CCDC171: variants seen among roughly 807,000 people sequenced by gnomAD.
The protein encoded by CCDC171 is coiled-coil domain-containing protein 171.
A neutral mutation model predicts 168.2 loss-of-function variants in CCDC171; 177 were observed. The observed-to-expected ratio is 1.05, with a 90% CI of 0.93 to 1.19. The LOEUF (loss-of-function observed/expected upper bound fraction) is 1.19, where lower values mean the gene tolerates loss of function less well. Ranked by LOEUF, CCDC171 falls within the 50% of genes most tolerant of loss-of-function variation. The pLI, the probability that CCDC171 is intolerant of heterozygous loss-of-function variation, is 0.00. For missense variants in CCDC171, 1,991 were observed against 1,539.0 expected (o/e 1.29, Z -4.91); for synonymous variants, 687 against 540.8 (o/e 1.27, Z -3.75).
chr9:15,949,298 C>T (rs534345085), intron 25 of CCDC171, among the ~76,000 whole-genome samples: 5 of 152,138 alleles, frequency 3.3e-5, no homozygotes, highest in South Asian at 2.1e-4. Flanking sequence ...ATTGACTTGG[C>T]GATTCGGGCT....
chr9:15,866,855 A>G (rs775605383), intron 23 of CCDC171, among the ~76,000 whole-genome samples: 5 of 152,024 alleles, frequency 3.3e-5, no homozygotes, highest in South Asian at 2.1e-4. Context: ...CTTGGCATCT[A>G]TCACTGTGCC....
the CCDC171 span, among the ~76,000 whole-genome samples, chr9:16,091,864 C>T: frequency 2.0e-5 from 3 of 152,212 alleles, no homozygotes; most frequent in Admixed American, 1.3e-4. Context: ...TTTTCTGTTA[C>T]AGCTATATCT....
chr9:16,097,016 A>T, the CCDC171 span, among the ~76,000 whole-genome samples: 1 of 152,294 alleles, frequency 6.6e-6, no homozygotes, highest in East Asian at 1.9e-4. Context: ...CGGAAAGAAG[A>T]AGAGAGGTTC....
chr9:16,079,529 G>T, the CCDC171 span, among the ~76,000 whole-genome samples: 1 of 152,186 alleles, frequency 6.6e-6, no homozygotes, highest in Non-Finnish European at 1.5e-5. Context: ...ATTGGAGTGA[G>T]TTGGATGAAG....
At chr9:15,762,287 A>G (rs777731778) in intron 18 of CCDC171, among the ~76,000 whole-genome samples, 11 of 152,044 alleles carry the variant, frequency 7.2e-5, no homozygotes, top group Admixed American at 3.9e-4. Context: ...AAAATATTAC[A>G]GATATATTTA....
chr9:15,893,490 A>G (rs964480202), intron 24 of CCDC171, among the ~76,000 whole-genome samples: 2 of 152,200 alleles, frequency 1.3e-5, no homozygotes, highest in Non-Finnish European at 2.9e-5. Context: ...CATCAGATTG[A>G]GCAGACAACC....
chr9:15,966,496 A>G (rs926760758), intron 25 of CCDC171, among the ~76,000 whole-genome samples: 2 of 152,236 alleles, frequency 1.3e-5, no homozygotes, highest in African/African-American at 2.4e-5. Flanking sequence ...ACATCAAACG[A>G]GTAGCCAAGG....
chr9:15,655,575 A>C (rs1012535471), intron 7 of CCDC171, among the ~76,000 whole-genome samples: 1 of 152,224 alleles, frequency 6.6e-6, no homozygotes, highest in African/African-American at 2.4e-5. Flanking sequence ...CATCATAATG[A>C]AAAGTTTTGG....
chr9:15,629,791 C>T (rs1353694191), intron 7 of CCDC171, among the ~76,000 whole-genome samples: 2 of 152,170 alleles, frequency 1.3e-5, no homozygotes, highest in Admixed American at 6.5e-5. Flanking sequence ...GGTTGGGTTA[C>T]CCACAAAGGG....
chr9:15,623,426 A>G lies in CCDC171; in HGVS notation c.822+13A>G. On this transcript the variant is annotated intron_variant, in intron 7 of 25. Coordinates refer to ENST00000380701, the MANE Select transcript of CCDC171 (RefSeq NM_173550.4). ...AAAAGAATTTGAGGTACATTTTCTC[A>G]TTCCTTTATAATATATATGCGTACA... 1 of 1,565,398 alleles carries G rather than the reference A, an allele frequency of 6.4e-7. No individual in the cohort carries two copies. Among genetic ancestry groups the G allele is most frequent in the Non-Finnish European group, 8.7e-7 (1 of 1,150,494 alleles).
intron 18 of CCDC171, among the ~76,000 whole-genome samples, chr9:15,758,270 T>C (rs2056247477): frequency 6.6e-6 from 1 of 152,218 alleles, no homozygotes; most frequent in Non-Finnish European, 1.5e-5. Flanking sequence ...TGCATCAGCA[T>C]GACCTGGATA....
At chr9:15,568,334 G>A (rs948119356) in intron 2 of CCDC171, among the ~76,000 whole-genome samples, 8 of 148,198 alleles carry the variant, frequency 5.4e-5, no homozygotes, top group African/African-American at 1.5e-4. Flanking sequence ...GCAGTGGCGC[G>A]ATCTTGGCTC....
chr9:16,079,273 C>T, the CCDC171 span, among the ~76,000 whole-genome samples: 1 of 152,164 alleles, frequency 6.6e-6, no homozygotes, highest in Non-Finnish European at 1.5e-5. Flanking sequence ...TTGTATCCAT[C>T]CCCAGCTCCA....
chr9:15,876,845 G>T (rs1432558681), intron 24 of CCDC171, among the ~76,000 whole-genome samples: 1 of 152,048 alleles, frequency 6.6e-6, no homozygotes, highest in African/African-American at 2.4e-5. Context: ...TACTGATGAA[G>T]TGGACTATTC....
chr9:16,098,957 A>C, the CCDC171 span, among the ~76,000 whole-genome samples: 1 of 152,194 alleles, frequency 6.6e-6, no homozygotes, highest in Non-Finnish European at 1.5e-5. Flanking sequence ...GGGAGGGCTC[A>C]TTTTGTAGCT....
At chr9:15,632,847 G>C (rs1376852027) in intron 7 of CCDC171, among the ~76,000 whole-genome samples, 5 of 152,184 alleles carry the variant, frequency 3.3e-5, no homozygotes, top group African/African-American at 9.7e-5. Flanking sequence ...GAACAGAACA[G>C]AGCACTCTGA....
At chr9:16,039,816 T>A (rs777199509), upstream of CCDC171, among the ~76,000 whole-genome samples, 2 of 152,048 alleles carry the variant, frequency 1.3e-5, no homozygotes, top group Non-Finnish European at 2.9e-5. Flanking sequence ...GGAAATACCA[T>A]CTCCAGCCAG....
intron 21 of CCDC171, among the ~76,000 whole-genome samples, chr9:15,839,901 C>G (rs1009626473): frequency 6.6e-6 from 1 of 152,070 alleles, no homozygotes; most frequent in African/African-American, 2.4e-5. Flanking sequence ...AGAAAAAACT[C>G]AAAACTTTGT....
chr9:15,956,390 T>C (rs977218521), intron 25 of CCDC171, among the ~76,000 whole-genome samples: 1 of 152,180 alleles, frequency 6.6e-6, no homozygotes, highest in South Asian at 2.1e-4. Context: ...TAATTCTGTC[T>C]TAGTAACTAT....
Sources: gnomAD v4.1 joint callset for allele counts (sites outside exome capture counted in the v4.1 genomes callset) on GRCh38, gnomAD v4.1.1 for gene constraint, MANE v1.5 for transcripts, NCBI Gene and HGNC (gene_info 2026-07-23, HGNC 2026-07-21) for gene names.